Variants in PCDHA8 observed in about 807,000 individuals in gnomAD.
PCDHA8 encodes the protein protocadherin alpha 8.
PCDHA8 carries 53 observed loss-of-function variants against 61.8 expected under a neutral mutation model. The ratio of observed to expected loss-of-function variants is 0.86; its 90% CI spans 0.69 to 1.08. The LOEUF (loss-of-function observed/expected upper bound fraction) is 1.08. Among genes scored for constraint, PCDHA8 ranks in the 50% least tolerant of loss-of-function variants. The pLI, the probability that PCDHA8 is intolerant of heterozygous loss-of-function variation, is 0.00. For synonymous variants in PCDHA8, 618 were observed against 556.6 expected (o/e 1.11, Z -1.55); for missense variants, 1,293 against 1,245.0 (o/e 1.04, Z -0.58).
chr5:140,993,850 G>A (rs1187946683), intron 3 of PCDHA8, among the ~76,000 whole-genome samples: 2 of 152,144 alleles, frequency 1.3e-5, no homozygotes, highest in African/African-American at 4.8e-5. Context: ...TATGTAGTAG[G>A]CTATGCCATC....
chr5:140,993,546 G>A (rs1013720873), intron 3 of PCDHA8, among the ~76,000 whole-genome samples: 4 of 151,434 alleles, frequency 2.6e-5, no homozygotes, highest in Non-Finnish European at 5.9e-5. Context: ...AGATAGAGAA[G>A]TGAAGTATAT....
In PCDHA8 at chr5:140,843,667, A is replaced by G. The variant is rs143385524; in HGVS notation, c.2346A>G (p.Ser782=). Reference sequence around the variant, plus strand: ...CCTGCCTTCCTCCTGATCTGGGATCAGTTGATGTAGGCGAAGAGCAAGATT... The same window carrying G: ...CCTGCCTTCCTCCTGATCTGGGATCGGTTGATGTAGGCGAAGAGCAAGATT... ...FSPCLPPDLG[S]VDVGEEQDLN... The change falls in exon 1 of 4, where the codon TCA becomes TCG. Residue 782 remains serine (S), a synonymous_variant. Coordinates refer to ENST00000531613, the MANE Select transcript of PCDHA8 (RefSeq NM_018911.3). The G allele has an allele frequency of 5.3e-5, 84 of 1,593,334 alleles. 5 individuals are homozygous for G. Among genetic ancestry groups the G allele is most frequent in the Non-Finnish European group, 6.5e-5 (76 of 1,163,092 alleles).
chr5:140,979,972 C>T (rs1393315984), intron 2 of PCDHA8, among the ~76,000 whole-genome samples: 1 of 152,176 alleles, frequency 6.6e-6, no homozygotes, highest in East Asian at 1.9e-4. Context: ...CATTAAAATG[C>T]ATTAGATTGA....
chr5:140,875,946 T>C, intron 1 of PCDHA8: 1 of 1,614,222 alleles, frequency 6.2e-7, no homozygotes, highest in Admixed American at 1.7e-5. Context: ...AGGGCGCTTC[T>C]GATGCGGATA....
chr5:140,961,464 C>G (rs1364555316), intron 1 of PCDHA8, among the ~76,000 whole-genome samples: 1 of 152,126 alleles, frequency 6.6e-6, no homozygotes, highest in Non-Finnish European at 1.5e-5. Flanking sequence ...AGCTGCCTTT[C>G]TTTTTTTGTC....
At chr5:140,970,884 A>G (rs1013057138) in intron 1 of PCDHA8, among the ~76,000 whole-genome samples, 1 of 152,218 alleles carries the variant, frequency 6.6e-6, no homozygotes, top group Admixed American at 6.5e-5. Context: ...GATTTTTCTC[A>G]TGGACATTTC....
intron 1 of PCDHA8, chr5:140,882,849 T>A: frequency 1.2e-6 from 2 of 1,614,242 alleles, no homozygotes; most frequent in Non-Finnish European, 1.7e-6. Flanking sequence ...TCATTATCAC[T>A]TGTACTGAGG....
chr5:141,011,752 C>T lies in PCDHA8; in HGVS notation c.*1815C>T, dbSNP rs1051150394. On this transcript the variant is annotated 3_prime_UTR_variant, in exon 4 of 4. Transcript: ENST00000531613. ...CAAGCACAAATTTTACCAATCTGAC[C>T]TCTTTGAAGTTGCAGAATGCTTTGA... The T allele has an allele frequency of 6.5e-6, 1 of 153,662 alleles. No homozygotes were observed. The highest frequency in any genetic ancestry group is 6.5e-5 in the Admixed American group (1 of 15,272). The allele number at this position is 153,662 out of a possible 1,614,324, so 9.5% of individuals were successfully genotyped here. A position where few individuals can be genotyped will look rare whatever the true frequency, so the allele number is the denominator to read the frequency against.
In PCDHA8 at chr5:140,851,831, A is replaced by T. The variant is rs1171493624; in HGVS notation, c.2394+8116A>T. 16 of 968,114 alleles carry T rather than the reference A, an allele frequency of 1.7e-5. 1 individual carries two copies. Among genetic ancestry groups the T allele is most frequent in the Middle Eastern group, 5.3e-4 (1 of 1,876 alleles). 60.0% of individuals were successfully genotyped at this position (968,114 alleles called of 1,614,324 possible). On this transcript the variant is annotated intron_variant, in intron 1 of 3. Transcript: ENST00000531613. ...CCATAAGACAGAAATCTGTTTTTTT[A>T]AAAATATCTTTTTCTCCTCTCAGCT...
At position 140,858,057 on chromosome 5, in the gene PCDHA8, A is replaced by G. The variant is rs781982906; in HGVS notation, c.2394+14342A>G. On this transcript the variant is annotated intron_variant, in intron 1 of 3. Coordinates refer to ENST00000531613, the MANE Select transcript of PCDHA8 (RefSeq NM_018911.3). ...GCCACTGTGCTTGTGTCGCTTGTGG[A>G]GGGCAGCCAGGCACCCAAGGCCTCG... 1.9e-6 allele frequency: 3 copies of G among 1,597,162 alleles called. No homozygotes were observed. In the South Asian group the frequency reaches 3.3e-5, roughly 18 times the overall value.
At chr5:140,936,112 C>T (rs782017334) in intron 1 of PCDHA8, among the ~76,000 whole-genome samples, 2 of 152,008 alleles carry the variant, frequency 1.3e-5, no homozygotes, top group Non-Finnish European at 2.9e-5. Context: ...AGGCTGGTCT[C>T]GAACTCCTGA....
chr5:140,857,341 G>T (rs782659858), intron 1 of PCDHA8: 1 of 1,598,438 alleles, frequency 6.3e-7, no homozygotes, highest in South Asian at 1.1e-5. Flanking sequence ...ACGGGGGCTC[G>T]CCTCCGCTGT....
In PCDHA8 at chr5:140,850,114, C is replaced by G. The variant is rs1286583620; in HGVS notation, c.2394+6399C>G. ...CAGTTCCAGGTGAGCGCGCGCGACG[C>G]GGGCGTGCCGCCTCTGGGCAGCAAC... On this transcript the variant is annotated intron_variant, in intron 1 of 3. Coordinates refer to ENST00000531613, the MANE Select transcript of PCDHA8 (RefSeq NM_018911.3). 9 of 1,595,876 alleles carry G rather than the reference C, an allele frequency of 5.6e-6. 1 individual carries two copies. The highest frequency in any genetic ancestry group is 1.1e-5 in the South Asian group (1 of 90,494).
intron 1 of PCDHA8, among the ~76,000 whole-genome samples, chr5:140,963,199 A>G (rs955651383): frequency 6.6e-6 from 1 of 152,092 alleles, no homozygotes; most frequent in Non-Finnish European, 1.5e-5. Flanking sequence ...TGAAAATGAA[A>G]AAAAAAACCT....
At chr5:140,990,073 G>A (rs559119700) in intron 3 of PCDHA8, among the ~76,000 whole-genome samples, 6 of 152,178 alleles carry the variant, frequency 3.9e-5, no homozygotes, top group East Asian at 1.9e-4. Context: ...AAATAAGGGG[G>A]ACAAAGGATG....
intron 1 of PCDHA8, chr5:140,876,322 A>G (rs146464308): frequency 6.2e-7 from 1 of 1,614,034 alleles, no homozygotes; most frequent in Non-Finnish European, 8.5e-7. Context: ...GATCAAAATG[A>G]TTTTGCCAGT....
At chr5:140,915,105 C>T (rs1554196760) in intron 1 of PCDHA8, among the ~76,000 whole-genome samples, 1 of 152,020 alleles carries the variant, frequency 6.6e-6, no homozygotes, top group East Asian at 1.9e-4. Flanking sequence ...ACCACCACAA[C>T]ACCCACCTAA....
rs2150354067 is a variant in PCDHA8 at position 140,843,158 on chromosome 5, C to A, written c.1837C>A (p.Pro613Thr). Residue 613 changes from proline (P) to threonine (T), a missense_variant, in exon 1 of 4, where the codon CCA (proline) becomes ACA (threonine). Physicochemically the swap from Pro to Thr is conservative, Grantham distance 38. Transcript: ENST00000531613. ...CGCGTGGCTTTCGTATGAGCTGCAG[C>A]CAGCTGCAAGCAGCCCTCGCATCCC... is the stretch of plus-strand genomic sequence containing the variant. ...YNAWLSYELQ[P>T]AASSPRIPFR... The A allele has an allele frequency of 1.0e-4, 163 of 1,596,026 alleles. 13 individuals carry two copies. In the South Asian group the frequency reaches 1.7e-3, roughly 16 times the overall value.
chr5:140,993,128 T>A (rs1250312762), intron 3 of PCDHA8, among the ~76,000 whole-genome samples: 2 of 152,234 alleles, frequency 1.3e-5, no homozygotes, highest in Non-Finnish European at 2.9e-5. Flanking sequence ...AATTTCCTTC[T>A]GTTGCAACAA....
Sources: allele counts gnomAD v4.1 joint callset (sites outside exome capture counted in the v4.1 genomes callset), GRCh38; gene constraint gnomAD v4.1.1; transcripts MANE v1.5; gene names NCBI Gene and HGNC (gene_info 2026-07-23, HGNC 2026-07-21).